The following PIGK variants were observed in gnomAD, a reference collection of about 807,000 sequenced individuals.
PIGK encodes the protein phosphatidylinositol glycan anchor biosynthesis class K.
PIGK carries 42 observed loss-of-function variants against 50.6 expected under a neutral mutation model. That is an observed-to-expected ratio of 0.83 (90% CI 0.65 to 1.07). The LOEUF (loss-of-function observed/expected upper bound fraction) is 1.07, where lower values mean the gene tolerates loss of function less well. Among genes scored for constraint, PIGK ranks in the 50% least tolerant of loss-of-function variants. The probability of loss-of-function intolerance (pLI) is 0.00; values close to 1 mark genes in which losing one functional copy is unlikely to be tolerated. For missense variants in PIGK, 448 were observed against 488.7 expected, an observed-to-expected ratio of 0.92 and a Z score of 0.78; for synonymous variants, 151 against 156.0, an observed-to-expected ratio of 0.97 and a Z score of 0.24.
chr1:77,154,492 CTG>C lies in PIGK; in HGVS notation c.941_942del (p.Thr314ArgfsTer4), dbSNP rs957811433. The C allele has an allele frequency of 1.2e-6, 2 of 1,611,846 alleles. No individual in the cohort carries two copies. The highest frequency in any genetic ancestry group is 1.7e-6 in the Non-Finnish European group (2 of 1,178,612). On this transcript the variant is annotated frameshift_variant, in exon 9 of 11. Coordinates refer to ENST00000370812, the MANE Select transcript of PIGK (RefSeq NM_005482.3). LOFTEE classifies it high-confidence loss of function. ...FGSVRKVEIT[T>X]ETIKLQQDSE... ...GAATCCTGTTGCAATTTAATAGTCT[CTG>C]TTGTAATTTCCACTTTCCGTACACT...
At chr1:77,099,663 C>A (rs113389597) in intron 10 of PIGK, among the ~76,000 whole-genome samples, 127 of 152,238 alleles carry the variant, frequency 8.3e-4, no homozygotes, top group African/African-American at 2.9e-3. Context: ...ACCTTTTAGA[C>A]ATTTTACAAT....
intron 6 of PIGK, 33 bp from the exon 7 acceptor site, chr1:77,161,744 A>T (rs777072032): frequency 1.0e-5 from 9 of 867,792 alleles, no homozygotes; most frequent in South Asian, 8.0e-5. Context: ...TTTGACAAGG[A>T]TCATGCTGTA....
intron 3 of PIGK, among the ~76,000 whole-genome samples, chr1:77,184,309 T>C (rs1220910201): frequency 6.6e-6 from 1 of 152,014 alleles, no homozygotes; most frequent in East Asian, 1.9e-4. Context: ...CTGATTTGAA[T>C]TACAAAAACA....
chr1:77,144,378 A>C (rs1272216035), intron 9 of PIGK, among the ~76,000 whole-genome samples: 1 of 151,944 alleles, frequency 6.6e-6, no homozygotes, highest in Non-Finnish European at 1.5e-5. Flanking sequence ...ATCCAAATGA[A>C]TTTGCCTCTA....
At chr1:77,105,898 A>T (rs1216070103) in intron 10 of PIGK, among the ~76,000 whole-genome samples, 1 of 152,212 alleles carries the variant, frequency 6.6e-6, no homozygotes, top group Non-Finnish European at 1.5e-5. Flanking sequence ...AATAAGAATG[A>T]CTGAAGCTAG....
intron 3 of PIGK, among the ~76,000 whole-genome samples, chr1:77,204,638 T>C (rs1365613458): frequency 6.6e-6 from 1 of 151,920 alleles, no homozygotes; most frequent in South Asian, 2.1e-4. Flanking sequence ...AGCTTTAAAA[T>C]TTCTCCCTTT....
chr1:77,189,171 G>A (rs1309553493), intron 3 of PIGK, among the ~76,000 whole-genome samples: 1 of 152,184 alleles, frequency 6.6e-6, no homozygotes, highest in African/African-American at 2.4e-5. Context: ...ATTTGGGTTT[G>A]GGATTGATGT....
intron 3 of PIGK, chr1:77,194,736 A>G (rs776797800): frequency 3.0e-6 from 1 of 327,892 alleles, no homozygotes; most frequent in Non-Finnish European, 5.9e-6. Flanking sequence ...AAACCCTGTG[A>G]TACACAATTT....
intron 10 of PIGK, among the ~76,000 whole-genome samples, chr1:77,119,729 GT>G (rs1490244590): frequency 6.6e-6 from 1 of 152,118 alleles, no homozygotes; most frequent in East Asian, 1.9e-4. Context: ...TTCTCCTTCT[GT>G]TTCAGCCTCT....
chr1:77,143,659 G>A (rs1029316022), intron 9 of PIGK, among the ~76,000 whole-genome samples: 10 of 151,900 alleles, frequency 6.6e-5, no homozygotes, highest in East Asian at 3.9e-4. Context: ...TACCTTGATC[G>A]CCAGCATTTA....
chr1:77,203,924 A>G (rs934305390), intron 3 of PIGK, among the ~76,000 whole-genome samples: 6 of 152,160 alleles, frequency 3.9e-5, no homozygotes, highest in African/African-American at 1.4e-4. Flanking sequence ...ATGTTGCTTC[A>G]GGATCCTGAG....
chr1:77,161,963 C>T (rs1248018831), intron 6 of PIGK, among the ~76,000 whole-genome samples: 1 of 152,090 alleles, frequency 6.6e-6, no homozygotes, highest in Non-Finnish European at 1.5e-5. Context: ...TTGTCTATGC[C>T]ATATAATTCA....
intron 8 of PIGK, among the ~76,000 whole-genome samples, chr1:77,157,428 T>G (rs1655032907): frequency 1.3e-5 from 2 of 152,180 alleles, no homozygotes; most frequent in African/African-American, 4.8e-5. Context: ...ATCTTTCCTG[T>G]ATAATCAATA....
rs529180587 is a variant in PIGK, at chr1:77,137,547, T to C, written c.987-15188A>G. Among the ~76,000 whole-genome samples, 457 of 152,244 alleles carry C rather than the reference T, an allele frequency of 3.0e-3. 2 individuals are homozygous for C. Among genetic ancestry groups the C allele is most frequent in the Non-Finnish European group, 3.8e-3 (257 of 68,004 alleles). ...TCTTTATCATGTAATCCTTGTGTAA[T>C]CCTTCATTTCTTTCTTTTGTTTTTA... On this transcript the variant is annotated intron_variant, in intron 9 of 10. Coordinates refer to ENST00000370812, the MANE Select transcript of PIGK (RefSeq NM_005482.3).
intron 8 of PIGK, among the ~76,000 whole-genome samples, chr1:77,158,275 C>T (rs1655058006): frequency 6.6e-6 from 1 of 152,070 alleles, no homozygotes; most frequent in Admixed American, 6.5e-5. Flanking sequence ...CCTCAACCTC[C>T]CAAAGTGCTG....
intron 3 of PIGK, among the ~76,000 whole-genome samples, chr1:77,179,906 T>C (rs1225992325): frequency 1.3e-5 from 2 of 152,288 alleles, no homozygotes; most frequent in East Asian, 3.9e-4. Context: ...ATGCCATTTA[T>C]CATAAGGTCT....
intron 9 of PIGK, among the ~76,000 whole-genome samples, chr1:77,147,540 G>A (rs569142981): frequency 2.0e-5 from 3 of 152,250 alleles, no homozygotes; most frequent in Admixed American, 2.0e-4. Context: ...ACTAAAATGT[G>A]CAAAATTTTT....
chr1:77,165,743 C>T (rs912825809), intron 5 of PIGK, among the ~76,000 whole-genome samples: 1 of 151,920 alleles, frequency 6.6e-6, no homozygotes, highest in Non-Finnish European at 1.5e-5. Flanking sequence ...TGGGCATGCA[C>T]AGAGGAAAGT....
At chr1:77,143,216 T>G (rs989931842) in intron 9 of PIGK, among the ~76,000 whole-genome samples, 1 of 152,164 alleles carries the variant, frequency 6.6e-6, no homozygotes, top group Non-Finnish European at 1.5e-5. Context: ...TAAATAATCC[T>G]CACACACAAA....
Sources: gnomAD v4.1 joint callset for allele counts (sites outside exome capture counted in the v4.1 genomes callset) on GRCh38, gnomAD v4.1.1 for gene constraint, MANE v1.5 for transcripts, NCBI Gene and HGNC (gene_info 2026-07-23, HGNC 2026-07-21) for gene names.